UBE2D1: variants seen among roughly 807,000 people sequenced by gnomAD.
UBE2D1 encodes ubiquitin conjugating enzyme E2 D1, also known as ubiquitin-conjugating enzyme E2 D1.
Under a neutral mutation model 24.6 loss-of-function variants are expected in UBE2D1, and 9 were observed. The ratio of observed to expected loss-of-function variants is 0.37; its 90% CI spans 0.22 to 0.64. The LOEUF is 0.64. Among genes scored for constraint, UBE2D1 ranks in the 30% least tolerant of loss-of-function variants. The probability of loss-of-function intolerance (pLI) is 0.64; values close to 1 mark genes in which losing one functional copy is unlikely to be tolerated. For missense variants in UBE2D1, 87 were observed against 177.1 expected (o/e 0.49, Z 2.89); for synonymous variants, 57 against 57.6 (o/e 0.99, Z 0.04).
intron 1 of UBE2D1, among the ~76,000 whole-genome samples, chr10:58,352,389 A>C (rs1490244050): frequency 1.3e-5 from 2 of 152,082 alleles, no homozygotes; most frequent in African/African-American, 2.4e-5. Flanking sequence ...CTTTGTTGTC[A>C]GTGGCACACG....
In UBE2D1 at chr10:58,370,245, G is replaced by A. The variant is rs1489246163; in HGVS notation, c.*1480G>A. 1.3e-5 allele frequency: 2 copies of A among 152,094 alleles called. No individual in the cohort carries two copies. Among genetic ancestry groups the A allele is most frequent in the African/African-American group, 4.8e-5 (2 of 41,398 alleles). 9.4% of individuals were successfully genotyped at this position (152,094 alleles called of 1,614,324 possible). A position where few individuals can be genotyped will look rare whatever the true frequency, so the allele number is the denominator to read the frequency against. On this transcript the variant is annotated 3_prime_UTR_variant, in exon 7 of 7. Transcript: ENST00000373910. ...AATGTTTAGCATGCTTGTCAACCTTGAGTGAGTGTCATTTTTAAGAACAGT... is the reference window on the plus strand; with the variant it reads ...AATGTTTAGCATGCTTGTCAACCTTAAGTGAGTGTCATTTTTAAGAACAGT...
intron 6 of UBE2D1, 187 bp from the exon 7 acceptor site, chr10:58,368,533 A>G (rs1412161903): frequency 5.3e-6 from 2 of 375,668 alleles, no homozygotes; most frequent in Non-Finnish European, 4.8e-6. Flanking sequence ...AGAGAAATCC[A>G]TGAGTTAAAA....
chr10:58,355,371 T>C (rs1004035500), intron 1 of UBE2D1, among the ~76,000 whole-genome samples: 1 of 152,226 alleles, frequency 6.6e-6, no homozygotes, highest in Non-Finnish European at 1.5e-5. Flanking sequence ...AAAGGAGCTG[T>C]GCTTTTAGAA....
chr10:58,335,039 C>A lies in UBE2D1; in HGVS notation c.-163C>A. On this transcript the variant is annotated 5_prime_UTR_variant, in exon 1 of 7. Transcript: ENST00000373910. ...GCGCACACTCGCGCTCGGGCGCACACGGAGCAGGGACCGGCGCCCGGAGCG... is the reference window on the plus strand; with the variant it reads ...GCGCACACTCGCGCTCGGGCGCACAAGGAGCAGGGACCGGCGCCCGGAGCG... The A allele has an allele frequency of 1.5e-6, 1 of 661,326 alleles. No individual in the cohort carries two copies. The highest frequency in any genetic ancestry group is 2.4e-6 in the Non-Finnish European group (1 of 410,584). The allele number at this position is 661,326 out of a possible 1,614,324, so 41.0% of individuals were successfully genotyped here.
intron 1 of UBE2D1, 83 bp downstream of exon 1, chr10:58,335,308 C>T: frequency 2.9e-6 from 4 of 1,390,808 alleles, no homozygotes; most frequent in South Asian, 1.4e-5. Context: ...GAGAGACATG[C>T]GGGGAGAGCA....
chr10:58,347,109 T>C (rs1341414738), intron 1 of UBE2D1, among the ~76,000 whole-genome samples: 1 of 152,194 alleles, frequency 6.6e-6, no homozygotes, highest in Non-Finnish European at 1.5e-5. Context: ...TGGGTTCTTA[T>C]CCTAAACTAC....
At chr10:58,356,690 A>C (rs529940567) in intron 1 of UBE2D1, among the ~76,000 whole-genome samples, 8 of 152,274 alleles carry the variant, frequency 5.3e-5, no homozygotes, top group Admixed American at 5.2e-4. Flanking sequence ...TCCCTCCAAC[A>C]GTGAGTGACA....
At chr10:58,364,605 C>T (rs1045098447) in intron 4 of UBE2D1, 166 bp from the exon 5 acceptor site, 23 of 579,568 alleles carry the variant, frequency 4.0e-5, no homozygotes, top group African/African-American at 4.0e-4. Flanking sequence ...CTAGCTAGAA[C>T]TGTGTGTAGC....
At chr10:58,367,505 C>G (rs367920902) in intron 5 of UBE2D1, among the ~76,000 whole-genome samples, 1 of 152,032 alleles carries the variant, frequency 6.6e-6, no homozygotes, top group Non-Finnish European at 1.5e-5. Context: ...ACAAATTTTT[C>G]TTCTTTGTAG....
intron 3 of UBE2D1, among the ~76,000 whole-genome samples, chr10:58,362,158 T>C (rs982924235): frequency 1.3e-5 from 2 of 152,172 alleles, no homozygotes; most frequent in Non-Finnish European, 2.9e-5. Flanking sequence ...GAAACAGGCT[T>C]TTTCTTTCTA....
chr10:58,340,860 C>T (rs1255854469), intron 1 of UBE2D1, among the ~76,000 whole-genome samples: 2 of 152,162 alleles, frequency 1.3e-5, no homozygotes, highest in African/African-American at 2.4e-5. Context: ...CACATGAACT[C>T]GTATCTATTG....
intron 1 of UBE2D1, among the ~76,000 whole-genome samples, chr10:58,360,403 A>G (rs1351643922): frequency 1.3e-5 from 2 of 151,896 alleles, no homozygotes; most frequent in African/African-American, 4.8e-5. Context: ...AGTGAGATCT[A>G]TTAGAACTGG....
At chr10:58,361,222 T>C (rs2132330112) in intron 1 of UBE2D1, 116 bp from the exon 2 acceptor site, 1 of 1,032,496 alleles carries the variant, frequency 9.7e-7, no homozygotes, top group East Asian at 2.5e-5. Flanking sequence ...TTTTATATTT[T>C]GAATAGAACT....
chr10:58,360,650 G>C (rs1840185129), intron 1 of UBE2D1, among the ~76,000 whole-genome samples: 1 of 152,192 alleles, frequency 6.6e-6, no homozygotes, highest in South Asian at 2.1e-4. Context: ...GCTGGGTGCA[G>C]TGGCTCATGC....
intron 3 of UBE2D1, among the ~76,000 whole-genome samples, chr10:58,362,873 TTAAAA>T (rs1410970962): frequency 1.3e-5 from 2 of 152,132 alleles, no homozygotes; most frequent in Non-Finnish European, 2.9e-5. Flanking sequence ...TATGAAAGAA[TTAAAA>T]TAGAATTGTA....
intron 1 of UBE2D1, among the ~76,000 whole-genome samples, chr10:58,348,978 G>A (rs1173534632): frequency 6.6e-6 from 1 of 152,190 alleles, no homozygotes; most frequent in African/African-American, 2.4e-5. Context: ...TCAGCATATT[G>A]TGGGGGTGTT....
rs1346425343 is a variant in UBE2D1, at chr10:58,357,627, T to C, written c.25-3711T>C. Among the ~76,000 whole-genome samples the C allele has an allele frequency of 2.0e-5, 3 of 152,308 alleles. No individual in the cohort carries two copies. The East Asian group carries it at 5.8e-4, about 29-fold the overall frequency. ...TTTGTGGACCAGAGTGGGAATGTGT[T>C]GTACCTTTTGTTTTCTGTAGGTCAT... On this transcript the variant is annotated intron_variant, in intron 1 of 6. Coordinates refer to ENST00000373910, the MANE Select transcript of UBE2D1 (RefSeq NM_003338.5).
At chr10:58,347,411 T>A (rs1436563276) in intron 1 of UBE2D1, among the ~76,000 whole-genome samples, 1 of 152,148 alleles carries the variant, frequency 6.6e-6, no homozygotes, top group Non-Finnish European at 1.5e-5. Flanking sequence ...TAAAATCGAT[T>A]TTTATTTATG....
chr10:58,343,073 C>A (rs1381910444), intron 1 of UBE2D1, among the ~76,000 whole-genome samples: 1 of 152,080 alleles, frequency 6.6e-6, no homozygotes, highest in African/African-American at 2.4e-5. Flanking sequence ...TCAGGTGATC[C>A]ACCTGCCTTA....
Sources: allele counts gnomAD v4.1 joint callset (sites outside exome capture counted in the v4.1 genomes callset), GRCh38; gene constraint gnomAD v4.1.1; transcripts MANE v1.5; gene names NCBI Gene and HGNC (gene_info 2026-07-23, HGNC 2026-07-21).